PTPRT: variants seen among roughly 807,000 people sequenced by gnomAD.
The protein encoded by PTPRT is receptor-type tyrosine-protein phosphatase T.
In PTPRT, 56 loss-of-function variants were observed where a neutral mutation model predicts 176.8. That is an observed-to-expected ratio of 0.32 (90% CI 0.26 to 0.40). The LOEUF is 0.40. Ranked by LOEUF, PTPRT falls within the 10% of genes least tolerant of loss-of-function variation. The pLI, the probability that PTPRT is intolerant of heterozygous loss-of-function variation, is 1.00. For missense variants in PTPRT, 1,540 were observed against 1,908.2 expected (o/e 0.81, Z 3.60); for synonymous variants, 783 against 739.0 (o/e 1.06, Z -0.96).
At chr20:42,172,085 A>T (rs1416304412) in intron 16 of PTPRT, among the ~76,000 whole-genome samples, 1 of 152,194 alleles carries the variant, frequency 6.6e-6, no homozygotes, top group African/African-American at 2.4e-5. Flanking sequence ...TTAAAGAGAA[A>T]AAAGAAGGAA....
intron 1 of PTPRT, among the ~76,000 whole-genome samples, chr20:43,071,834 G>A (rs190876594): frequency 6.6e-6 from 1 of 152,318 alleles, no homozygotes; most frequent in Admixed American, 6.5e-5. Flanking sequence ...AAAAGAATCT[G>A]CTCTGTCCAG....
intron 1 of PTPRT, among the ~76,000 whole-genome samples, chr20:43,023,837 C>T (rs759092454): frequency 6.6e-6 from 1 of 152,142 alleles, no homozygotes; most frequent in Non-Finnish European, 1.5e-5. Context: ...CCCTTTACCC[C>T]AGATGTCTCA....
intron 1 of PTPRT, chr20:42,966,356 C>G (rs1219033589): frequency 6.6e-6 from 1 of 152,150 alleles, no homozygotes; most frequent in Non-Finnish European, 1.5e-5. Flanking sequence ...ATAAACTTAT[C>G]GGTTATTTCT....
intron 1 of PTPRT, among the ~76,000 whole-genome samples, chr20:42,962,261 A>G (rs903334242): frequency 2.6e-5 from 4 of 152,212 alleles, no homozygotes; most frequent in East Asian, 3.8e-4. Context: ...ATTAATGTTG[A>G]ACAACATAAT....
chr20:42,764,291 G>A (rs1461362236), intron 5 of PTPRT, among the ~76,000 whole-genome samples: 5 of 152,070 alleles, frequency 3.3e-5, no homozygotes, highest in East Asian at 1.9e-4. Context: ...AAGTGTAGAC[G>A]TCCCATTTAA....
chr20:42,865,587 T>C (rs1485550891), intron 2 of PTPRT, among the ~76,000 whole-genome samples: 1 of 152,168 alleles, frequency 6.6e-6, no homozygotes, highest in South Asian at 2.1e-4. Context: ...AGAGCTCCTC[T>C]GTATTGAGCT....
chr20:42,622,513 T>G (rs1317314310), intron 7 of PTPRT, among the ~76,000 whole-genome samples: 2 of 152,144 alleles, frequency 1.3e-5, no homozygotes, highest in African/African-American at 2.4e-5. Flanking sequence ...GTGCTGGCAT[T>G]ACAGGCATGA....
chr20:43,033,935 C>T (rs1183197774), intron 1 of PTPRT, among the ~76,000 whole-genome samples: 1 of 152,212 alleles, frequency 6.6e-6, no homozygotes, highest in African/African-American at 2.4e-5. Context: ...CCTCTCACCG[C>T]ACTACGCCTT....
intron 16 of PTPRT, among the ~76,000 whole-genome samples, chr20:42,175,368 G>A (rs1486564504): frequency 1.3e-5 from 2 of 152,022 alleles, no homozygotes; most frequent in Non-Finnish European, 2.9e-5. Flanking sequence ...TGTACAGGAC[G>A]TGCTATTCTC....
intron 20 of PTPRT, 95 bp downstream of exon 20, chr20:42,119,840 A>G (rs1468209979): frequency 7.2e-6 from 8 of 1,116,164 alleles, no homozygotes; most frequent in Non-Finnish European, 1.0e-5. Context: ...AGTAACAGAT[A>G]TAGGAGGAGA....
At chr20:42,882,004 G>C (rs2079019701) in intron 2 of PTPRT, among the ~76,000 whole-genome samples, 1 of 152,098 alleles carries the variant, frequency 6.6e-6, no homozygotes, top group Non-Finnish European at 1.5e-5. Context: ...TGCCAGGGGA[G>C]GCCATCAGCA....
At position 42,791,484 on chromosome 20, in the gene PTPRT, A is replaced by C; in HGVS notation, c.215-18T>G. On this transcript the variant is annotated intron_variant, in intron 2 of 30. Transcript: ENST00000373187. ...GAAAGATCCTGGAGACCCACAAAGC[A>C]GGTGGGAAGTAGAGACAAAGAGAAA... 6.3e-7 allele frequency: 1 copy of C among 1,599,778 alleles called. No individual in the cohort carries two copies.
intron 7 of PTPRT, among the ~76,000 whole-genome samples, chr20:42,652,714 G>A (rs1165854719): frequency 6.6e-6 from 1 of 152,112 alleles, no homozygotes; most frequent in East Asian, 1.9e-4. Context: ...GTTGCCAAGG[G>A]TGAGTCCCTG....
chr20:42,662,745 C>A (rs1003515074), intron 7 of PTPRT, among the ~76,000 whole-genome samples: 21 of 152,246 alleles, frequency 1.4e-4, no homozygotes, highest in Middle Eastern at 6.8e-3. Context: ...TCTATTTGAA[C>A]ACTGAGCTTG....
intron 2 of PTPRT, among the ~76,000 whole-genome samples, chr20:42,876,092 A>G (rs2078925233): frequency 1.3e-5 from 2 of 152,182 alleles, no homozygotes; most frequent in Middle Eastern, 3.4e-3. Context: ...AAACACATCA[A>G]TATGTTAATG....
At chr20:42,440,190 C>T (rs2059299974) in intron 9 of PTPRT, among the ~76,000 whole-genome samples, 2 of 152,164 alleles carry the variant, frequency 1.3e-5, no homozygotes, top group Non-Finnish European at 2.9e-5. Context: ...CAGGTGTGAG[C>T]CACCACACCA....
chr20:42,752,719 A>G (rs2076784064), intron 6 of PTPRT, among the ~76,000 whole-genome samples: 1 of 152,188 alleles, frequency 6.6e-6, no homozygotes, highest in African/African-American at 2.4e-5. Flanking sequence ...TATTTTTTTA[A>G]ACAAGTACAA....
In PTPRT at chr20:42,461,882, T is replaced by A. The variant is rs550863859; in HGVS notation, c.1450+10384A>T. 3.8e-4 allele frequency among the ~76,000 whole-genome samples: 57 copies of A among 151,984 alleles called. No homozygotes were observed. The East Asian group carries it at 8.1e-3, about 22-fold the overall frequency. Reference sequence around the variant, plus strand: ...GCTGGGTGTTTCTGGGTTTTTTTTTTAATCTTTTTAAAGATGGGAGAAATA... The same window carrying A: ...GCTGGGTGTTTCTGGGTTTTTTTTTAAATCTTTTTAAAGATGGGAGAAATA... On this transcript the variant is annotated intron_variant, in intron 8 of 30. Transcript: ENST00000373187.
chr20:43,088,814 G>A (rs551202979), intron 1 of PTPRT, among the ~76,000 whole-genome samples: 9 of 152,106 alleles, frequency 5.9e-5, no homozygotes, highest in Non-Finnish European at 7.4e-5. Context: ...TTTAAGTCTC[G>A]AACTGTCATC....
Sources: allele counts gnomAD v4.1 joint callset (sites outside exome capture counted in the v4.1 genomes callset), GRCh38; gene constraint gnomAD v4.1.1; transcripts MANE v1.5; gene names NCBI Gene and HGNC (gene_info 2026-07-23, HGNC 2026-07-21).